Variants in LHFPL6 observed in about 807,000 individuals in gnomAD.
The protein encoded by LHFPL6 is LHFPL tetraspan subfamily member 6, also known as LHFPL tetraspan subfamily member 6 protein.
LHFPL6 carries 9 observed loss-of-function variants against 20.6 expected under a neutral mutation model. The observed-to-expected ratio is 0.44, with a 90% CI of 0.26 to 0.76. LHFPL6 has a LOEUF of 0.76. Among genes scored for constraint, LHFPL6 ranks in the 30% least tolerant of loss-of-function variants. The pLI is 0.20. For missense variants in LHFPL6, 218 were observed against 253.5 expected (o/e 0.86, Z 0.95); for synonymous variants, 105 against 98.7 (o/e 1.06, Z -0.38).
At chr13:39,403,144 A>T (rs575646772) in intron 2 of LHFPL6, among the ~76,000 whole-genome samples, 4 of 152,348 alleles carry the variant, frequency 2.6e-5, no homozygotes, top group African/African-American at 7.2e-5. Context: ...ATAGGGAAAA[A>T]CAGGGATCAA....
chr13:39,378,562 C>T (rs1870356317), intron 2 of LHFPL6, 36 bp from the exon 3 acceptor site: 1 of 1,478,640 alleles, frequency 6.8e-7, no homozygotes. Flanking sequence ...TTTACCAGTG[C>T]TTCTCTGCAT....
chr13:39,549,175 GA>G (rs955391173), intron 2 of LHFPL6, among the ~76,000 whole-genome samples: 4 of 151,928 alleles, frequency 2.6e-5, no homozygotes, highest in South Asian at 2.1e-4. Context: ...TGACCATCAG[GA>G]AAAAAAAAAT....
At chr13:39,449,267 T>C (rs573873750) in intron 2 of LHFPL6, among the ~76,000 whole-genome samples, 2 of 152,360 alleles carry the variant, frequency 1.3e-5, no homozygotes, top group Non-Finnish European at 2.9e-5. Context: ...AAAATGTACT[T>C]AAATGGCAAA....
chr13:39,568,194 CAT>C (rs1204816675), intron 2 of LHFPL6, among the ~76,000 whole-genome samples: 1 of 151,794 alleles, frequency 6.6e-6, no homozygotes, highest in Non-Finnish European at 1.5e-5. Context: ...CATGTATTTT[CAT>C]AGTCTTTGTA....
chr13:39,465,945 G>A (rs1356217362), intron 2 of LHFPL6, among the ~76,000 whole-genome samples: 1 of 152,016 alleles, frequency 6.6e-6, no homozygotes, highest in East Asian at 1.9e-4. Flanking sequence ...AGGATGGGTG[G>A]CGGCTTCCTC....
intron 3 of LHFPL6, among the ~76,000 whole-genome samples, chr13:39,352,044 T>G (rs1351748280): frequency 6.6e-6 from 1 of 152,358 alleles, no homozygotes; most frequent in African/African-American, 2.4e-5. Context: ...TTCAACAGCA[T>G]GGTTTCAATT....
Position 39,343,444 on chromosome 13 carries a change from C to T in LHFPL6, c.*492G>A. On this transcript the variant is annotated 3_prime_UTR_variant, in exon 4 of 4. Coordinates refer to ENST00000379589, the MANE Select transcript of LHFPL6 (RefSeq NM_005780.3). ...GTGGGGATGCATATGTCTGTATGTG[C>T]TTGTGTGCTTTTGGGAGTGCCGTGA... The T allele has an allele frequency of 8.6e-6, 2 of 232,692 alleles. No homozygotes were observed. Among genetic ancestry groups the T allele is most frequent in the African/African-American group, 4.4e-5 (2 of 45,296 alleles). 14.4% of individuals were successfully genotyped at this position (232,692 alleles called of 1,614,324 possible).
intron 2 of LHFPL6, among the ~76,000 whole-genome samples, chr13:39,583,012 A>T (rs1872335825): frequency 6.6e-6 from 1 of 152,160 alleles, no homozygotes. Context: ...TCTGTCAGGC[A>T]CTTTGGTAGG....
chr13:39,367,683 A>G (rs1156842328), intron 3 of LHFPL6, among the ~76,000 whole-genome samples: 1 of 152,212 alleles, frequency 6.6e-6, no homozygotes, highest in African/African-American at 2.4e-5. Flanking sequence ...CCATTTGAAT[A>G]ATAACAAAAG....
intron 2 of LHFPL6, among the ~76,000 whole-genome samples, chr13:39,413,851 A>G (rs1871291222): frequency 6.6e-6 from 1 of 152,194 alleles, no homozygotes. Flanking sequence ...CCCAAGGGTT[A>G]TCCTACCTCC....
intron 2 of LHFPL6, among the ~76,000 whole-genome samples, chr13:39,427,330 A>C (rs573484006): frequency 2.8e-4 from 43 of 152,350 alleles, no homozygotes; most frequent in Admixed American, 3.3e-4. Context: ...AATGAAAGAT[A>C]GAGAGGACAT....
intron 2 of LHFPL6, among the ~76,000 whole-genome samples, chr13:39,568,445 A>T (rs1871798912): frequency 6.6e-6 from 1 of 152,174 alleles, no homozygotes; most frequent in South Asian, 2.1e-4. Context: ...TATCCATTTC[A>T]ATTTAGTATA....
intron 1 of LHFPL6, among the ~76,000 whole-genome samples, chr13:39,602,312 G>C (rs1872978135): frequency 6.6e-6 from 1 of 152,156 alleles, no homozygotes; most frequent in Non-Finnish European, 1.5e-5. Context: ...CCAGCTTTCA[G>C]GGTCCATAGC....
At chr13:39,347,907 A>C (rs1869452013) in intron 3 of LHFPL6, among the ~76,000 whole-genome samples, 1 of 152,218 alleles carries the variant, frequency 6.6e-6, no homozygotes, top group Admixed American at 6.5e-5. Context: ...GTATTGACCT[A>C]TACATAGTTC....
rs371721005 is a variant in LHFPL6, at chr13:39,578,397, T to C, written c.385+22435A>G. Among the ~76,000 whole-genome samples, 13 of 152,292 alleles carry C rather than the reference T, an allele frequency of 8.5e-5. No individual in the cohort carries two copies. In the East Asian group the frequency reaches 2.5e-3, roughly 29 times the overall value. ...GGAACAGATATAAGAAAATCGTCTTTTGAAATTAACTTGACCAGAGATATA... is the reference window on the plus strand; with the variant it reads ...GGAACAGATATAAGAAAATCGTCTTCTGAAATTAACTTGACCAGAGATATA... On this transcript the variant is annotated intron_variant, in intron 2 of 3. Transcript: ENST00000379589.
intron 2 of LHFPL6, among the ~76,000 whole-genome samples, chr13:39,593,819 A>G (rs1872686133): frequency 6.6e-6 from 1 of 152,196 alleles, no homozygotes; most frequent in Non-Finnish European, 1.5e-5. Flanking sequence ...CCGCATATCT[A>G]CAACTATCTG....
chr13:39,451,926 ATGTG>A (rs746664779), intron 2 of LHFPL6, among the ~76,000 whole-genome samples: 4 of 151,172 alleles, frequency 2.6e-5, no homozygotes, highest in Admixed American at 6.6e-5. Flanking sequence ...TACAGGAAAT[ATGTG>A]TGTGTGTGTG....
At chr13:39,501,792 C>T (rs924003871) in intron 2 of LHFPL6, among the ~76,000 whole-genome samples, 1 of 152,160 alleles carries the variant, frequency 6.6e-6, no homozygotes, top group Admixed American at 6.5e-5. Context: ...TGTTCAAAAG[C>T]TTGACAAGAG....
At chr13:39,566,926 GT>G (rs1381593791) in intron 2 of LHFPL6, among the ~76,000 whole-genome samples, 1 of 151,224 alleles carries the variant, frequency 6.6e-6, no homozygotes, top group Non-Finnish European at 1.5e-5. Flanking sequence ...TTAAAACCAG[GT>G]TTATAATCAC....
Sources: gnomAD v4.1 joint callset for allele counts (sites outside exome capture counted in the v4.1 genomes callset) on GRCh38, gnomAD v4.1.1 for gene constraint, MANE v1.5 for transcripts, NCBI Gene and HGNC (gene_info 2026-07-23, HGNC 2026-07-21) for gene names.